Variants in FHIP1A observed in about 807,000 individuals in gnomAD.
FHIP1A encodes the protein FHF complex subunit HOOK interacting protein 1A, also known as FHF complex subunit HOOK-interacting protein 1A.
Under a neutral mutation model 88.6 loss-of-function variants are expected in FHIP1A, and 61 were observed. The observed-to-expected ratio is 0.69, with a 90% CI of 0.56 to 0.85. The LOEUF (loss-of-function observed/expected upper bound fraction) is 0.85, where lower values mean the gene tolerates loss of function less well. Ranked by LOEUF, FHIP1A falls within the 40% of genes least tolerant of loss-of-function variation. The pLI, the probability that FHIP1A is intolerant of heterozygous loss-of-function variation, is 0.00. For missense variants in FHIP1A, 1,154 were observed against 1,273.5 expected (o/e 0.91, Z 1.43); for synonymous variants, 478 against 496.0 (o/e 0.96, Z 0.48).
At chr4:151,652,528 T>G (rs1459107554) in intron 11 of FHIP1A, among the ~76,000 whole-genome samples, 1 of 152,240 alleles carries the variant, frequency 6.6e-6, no homozygotes, top group Admixed American at 6.5e-5. Flanking sequence ...CCCCTGAAGT[T>G]TGGCAGGTTC....
At chr4:151,659,529 A>C (rs1018091277) in intron 13 of FHIP1A, among the ~76,000 whole-genome samples, 6 of 152,162 alleles carry the variant, frequency 3.9e-5, no homozygotes, top group African/African-American at 1.4e-4. Flanking sequence ...CACATAATGT[A>C]TCTCTCTCCT....
intron 4 of FHIP1A, among the ~76,000 whole-genome samples, chr4:151,577,082 C>T (rs556314295): frequency 5.9e-5 from 9 of 152,230 alleles, no homozygotes; most frequent in South Asian, 2.1e-4. Context: ...CTAACATCTA[C>T]GAATAGCTTG....
intron 3 of FHIP1A, among the ~76,000 whole-genome samples, chr4:151,557,940 G>A (rs1222153518): frequency 1.3e-5 from 2 of 152,192 alleles, no homozygotes; most frequent in Admixed American, 1.3e-4. Context: ...GTGTGCTACA[G>A]TGTATGTTGT....
In FHIP1A at chr4:151,662,851, T is replaced by C. The variant is rs1213589539; in HGVS notation, c.*97T>C. 2.6e-6 allele frequency: 3 copies of C among 1,160,550 alleles called. No homozygotes were observed. The highest frequency in any genetic ancestry group is 2.3e-6 in the Non-Finnish European group (2 of 858,912). The allele number at this position is 1,160,550 out of a possible 1,614,324, so 71.9% of individuals were successfully genotyped here. ...AAGCTGCTTACAAAGATTTCTACTTTAATGTTTCCTGACAATACTTGATTT... is the reference window on the plus strand; with the variant it reads ...AAGCTGCTTACAAAGATTTCTACTTCAATGTTTCCTGACAATACTTGATTT... On this transcript the variant is annotated 3_prime_UTR_variant, in exon 14 of 14. Coordinates refer to ENST00000435205, the MANE Select transcript of FHIP1A (RefSeq NM_001109977.3).
Position 151,646,606 on chromosome 4 carries a change from G to A in FHIP1A, c.1275G>A (p.Val425=). 8.4e-6 allele frequency: 13 copies of A among 1,551,656 alleles called. No individual in the cohort carries two copies. Among genetic ancestry groups the A allele is most frequent in the Non-Finnish European group, 1.1e-5 (13 of 1,146,948 alleles). Residue 425 remains valine (V), a synonymous_variant, in exon 10 of 14, where the codon GTG becomes GTA. Transcript: ENST00000435205. ...NHMMLSQRWA[V]KERDCYSVSA... ...TGATGCTGAGTCAGAGGTGGGCTGT[G>A]AAGGAGAGAGACTGTTACTCTGTTT...
chr4:151,553,471 T>C lies in FHIP1A; in HGVS notation c.-122-12667T>C, dbSNP rs1220638265. Among the ~76,000 whole-genome samples, 6 of 152,216 alleles carry C rather than the reference T, an allele frequency of 3.9e-5. No individual in the cohort carries two copies. The East Asian group carries it at 7.7e-4, about 19-fold the overall frequency. On this transcript the variant is annotated intron_variant, in intron 3 of 13. Coordinates refer to ENST00000435205, the MANE Select transcript of FHIP1A (RefSeq NM_001109977.3). Reference sequence around the variant, plus strand: ...ATGTATCCTTTCCTTTAGAATGAAGTAATTAATTGAGATACTTTAAGTGAT... The same window carrying C: ...ATGTATCCTTTCCTTTAGAATGAAGCAATTAATTGAGATACTTTAAGTGAT...
intron 3 of FHIP1A, among the ~76,000 whole-genome samples, chr4:151,490,789 A>G (rs547906542): frequency 3.9e-5 from 6 of 152,216 alleles, no homozygotes; most frequent in African/African-American, 9.6e-5. Flanking sequence ...AGAAATAGGT[A>G]TCATAAAGAA....
intron 1 of FHIP1A, among the ~76,000 whole-genome samples, chr4:151,435,603 G>C (rs1291477701): frequency 6.6e-6 from 1 of 152,022 alleles, no homozygotes; most frequent in African/African-American, 2.4e-5. Context: ...TGGCCAACAT[G>C]GGGAAACCCC....
intron 7 of FHIP1A, among the ~76,000 whole-genome samples, chr4:151,623,480 T>G (rs1461439218): frequency 6.6e-6 from 1 of 151,792 alleles, no homozygotes; most frequent in Non-Finnish European, 1.5e-5. Context: ...ACAGGCAAAT[T>G]TTGTTCTTTT....
chr4:151,646,246 G>T (rs1736786123), intron 9 of FHIP1A, among the ~76,000 whole-genome samples: 1 of 152,216 alleles, frequency 6.6e-6, no homozygotes, highest in Non-Finnish European at 1.5e-5. Context: ...GCAGAGAAAA[G>T]GGGAAAGCAC....
At chr4:151,422,224 A>ATATAT (rs1554076377) in intron 1 of FHIP1A, among the ~76,000 whole-genome samples, 8 of 150,252 alleles carry the variant, frequency 5.3e-5, no homozygotes, top group African/African-American at 1.7e-4. Context: ...ACATTAAAAA[A>ATATAT]ATATATATAT....
At chr4:151,660,238 TC>T (rs1737404566) in intron 13 of FHIP1A, among the ~76,000 whole-genome samples, 1 of 152,338 alleles carries the variant, frequency 6.6e-6, no homozygotes, top group South Asian at 2.1e-4. Flanking sequence ...GCTATGGATC[TC>T]CCAGCCAGCC....
chr4:151,518,441 A>T (rs1417599928), intron 3 of FHIP1A, among the ~76,000 whole-genome samples: 1 of 152,190 alleles, frequency 6.6e-6, no homozygotes, highest in African/African-American at 2.4e-5. Flanking sequence ...TAAACAACAT[A>T]TGACTATATG....
Position 151,662,754 on chromosome 4 carries a change from GC to G in FHIP1A, c.*1del. 7.7e-7 allele frequency: 1 copy of G among 1,297,820 alleles called. No homozygotes were observed. The highest frequency in any genetic ancestry group is 9.8e-7 in the Non-Finnish European group (1 of 1,022,770). The allele number at this position is 1,297,820 out of a possible 1,614,324, so 80.4% of individuals were successfully genotyped here. On this transcript the variant is annotated 3_prime_UTR_variant, in exon 14 of 14. Transcript: ENST00000435205. The stretch of plus-strand genomic sequence containing the variant: ...GTGACTTTGAGGACTCCTGCTGTTA[GC>G]TTTTTTTTTTTTTTTTAATAGAGGT...
Position 151,467,284 on chromosome 4 carries a change from G to A in FHIP1A, c.-248+12476G>A, listed in dbSNP as rs183257698. On this transcript the variant is annotated intron_variant, in intron 2 of 13. Transcript: ENST00000435205. ...CAAAACCACAATGAGATACCATCTC[G>A]TGCCAGTCAGAATGGTGATTATTAA... 3.6e-3 allele frequency among the ~76,000 whole-genome samples: 552 copies of A among 152,268 alleles called. 3 individuals carry two copies. Among genetic ancestry groups the A allele is most frequent in the Non-Finnish European group, 5.7e-3 (385 of 68,014 alleles).
At chr4:151,458,904 A>T (rs1290880433) in intron 2 of FHIP1A, among the ~76,000 whole-genome samples, 1 of 152,184 alleles carries the variant, frequency 6.6e-6, no homozygotes, top group Non-Finnish European at 1.5e-5. Flanking sequence ...AAAGGGTCAT[A>T]GAGAAAGTAT....
chr4:151,520,733 C>T (rs746562645), intron 3 of FHIP1A, among the ~76,000 whole-genome samples: 1 of 152,140 alleles, frequency 6.6e-6, no homozygotes, highest in Non-Finnish European at 1.5e-5. Context: ...CTGTGACCAG[C>T]AGCCATGAAG....
At chr4:151,460,710 C>A (rs1561505348) in intron 2 of FHIP1A, among the ~76,000 whole-genome samples, 1 of 152,108 alleles carries the variant, frequency 6.6e-6, no homozygotes, top group Admixed American at 6.6e-5. Context: ...TTTTTAATTG[C>A]CTGCTTAAAA....
chr4:151,522,576 C>T (rs1731486193), intron 3 of FHIP1A, among the ~76,000 whole-genome samples: 1 of 152,182 alleles, frequency 6.6e-6, no homozygotes, highest in African/African-American at 2.4e-5. Flanking sequence ...TCCAATTTTT[C>T]ACTTCCCTGC....
Sources: gnomAD v4.1 joint callset for allele counts (sites outside exome capture counted in the v4.1 genomes callset) on GRCh38, gnomAD v4.1.1 for gene constraint, MANE v1.5 for transcripts, NCBI Gene and HGNC (gene_info 2026-07-23, HGNC 2026-07-21) for gene names.